The following CFI variants were observed in gnomAD, a reference collection of about 807,000 sequenced individuals.
The protein encoded by CFI is complement factor I.
In CFI, 66 loss-of-function variants were observed where a neutral mutation model predicts 78.8. The observed-to-expected ratio is 0.84, with a 90% CI of 0.69 to 1.03. The LOEUF is 1.03. Ranked by LOEUF, CFI falls within the 50% of genes least tolerant of loss-of-function variation. The pLI, the probability that CFI is intolerant of heterozygous loss-of-function variation, is 0.00. For missense variants in CFI, 706 were observed against 704.5 expected, an observed-to-expected ratio of 1.00 and a Z score of -0.02; for synonymous variants, 250 against 232.6, an observed-to-expected ratio of 1.07 and a Z score of -0.68.
At chr4:109,748,947 C>T (rs1724801365) in intron 10 of CFI, among the ~76,000 whole-genome samples, 1 of 152,192 alleles carries the variant, frequency 6.6e-6, no homozygotes, top group Non-Finnish European at 1.5e-5. Context: ...CACTCTCCCA[C>T]TTTGCAAATA....
intron 1 of CFI, among the ~76,000 whole-genome samples, chr4:109,776,820 A>T (rs947342579): frequency 2.6e-5 from 4 of 152,396 alleles, no homozygotes; most frequent in Non-Finnish European, 4.4e-5. Context: ...CCAATATTCA[A>T]CATTCTTAAA....
chr4:109,761,782 G>A, intron 3 of CFI, 90 bp from the exon 4 acceptor site: 3 of 1,064,986 alleles, frequency 2.8e-6, no homozygotes, highest in South Asian at 1.3e-5. Context: ...CTAGAGTAAT[G>A]TCCTCTCATT....
At chr4:109,763,188 G>A (rs1358958622) in intron 3 of CFI, among the ~76,000 whole-genome samples, 1 of 152,092 alleles carries the variant, frequency 6.6e-6, no homozygotes, top group Non-Finnish European at 1.5e-5. Flanking sequence ...TCATCATAGT[G>A]ATTAACTTCT....
intron 1 of CFI, among the ~76,000 whole-genome samples, chr4:109,768,060 C>T (rs1728009666): frequency 7.1e-6 from 1 of 141,126 alleles, no homozygotes; most frequent in South Asian, 2.2e-4. Flanking sequence ...CATCGTCTCA[C>T]TCATAGGTGG....
intron 1 of CFI, among the ~76,000 whole-genome samples, chr4:109,781,421 AT>A (rs1012951282): frequency 1.3e-5 from 2 of 152,180 alleles, no homozygotes; most frequent in Non-Finnish European, 2.9e-5. Flanking sequence ...AGATGGATAA[AT>A]TCCTGGAAAA....
the CFI span, among the ~76,000 whole-genome samples, chr4:109,731,147 C>T: frequency 3.9e-5 from 6 of 152,116 alleles, no homozygotes; most frequent in Non-Finnish European, 8.8e-5. Flanking sequence ...AAGTTCGAGA[C>T]CAGCCTGGCT....
At chr4:109,801,734 T>C (rs180691619) in intron 1 of CFI, among the ~76,000 whole-genome samples, 181 bp downstream of exon 1, 1 of 152,214 alleles carries the variant, frequency 6.6e-6, no homozygotes, top group African/African-American at 2.4e-5. Flanking sequence ...GAACTATTTT[T>C]AAAAAATCAC....
At position 109,749,651 on chromosome 4, in the gene CFI, G is replaced by C. The variant is rs7441380; in HGVS notation, c.941-49C>G. ...TCATTATTATCTTGAACCCATTAGCGTTTTTAACACACTTCTTGATTATCT... is the reference window on the plus strand; with the variant it reads ...TCATTATTATCTTGAACCCATTAGCCTTTTTAACACACTTCTTGATTATCT... On this transcript the variant is annotated intron_variant, in intron 8 of 12. Coordinates refer to ENST00000394634, the MANE Select transcript of CFI (RefSeq NM_000204.5). 1,195,273 of 1,202,842 alleles carry C rather than the reference G, an allele frequency of 0.99. 594,189 individuals carry two copies. The highest frequency in any genetic ancestry group is 1 in the East Asian group (42,942 of 42,942). The allele number at this position is 1,202,842 out of a possible 1,614,324, so 74.5% of individuals were successfully genotyped here.
intron 1 of CFI, among the ~76,000 whole-genome samples, chr4:109,778,057 A>C (rs1378275238): frequency 6.6e-6 from 1 of 152,338 alleles, no homozygotes; most frequent in East Asian, 1.9e-4. Flanking sequence ...ACACCCTAAA[A>C]TCACAATTAA....
chr4:109,761,562 C>G lies in CFI; in HGVS notation c.613G>C (p.Gly205Arg). 1 of 1,614,100 alleles carries G rather than the reference C, an allele frequency of 6.2e-7. No individual in the cohort carries two copies. Among genetic ancestry groups the G allele is most frequent in the Non-Finnish European group, 8.5e-7 (1 of 1,180,004 alleles). Residue 205 changes from glycine to arginine, a missense_variant, in exon 4 of 13, where the codon GGT (glycine) becomes CGT (arginine). Physicochemically the swap from Gly to Arg is moderately radical, Grantham distance 125. Transcript: ENST00000394634. The stretch of plus-strand genomic sequence containing the variant: ...ACCACATCAGCGAAATCCTGGTAAC[C>G]CATAGTTCTTCTCTTAGTAAAAGTA... ...ECTFTKRRTM[G>R]YQDFADVVCY...
chr4:109,738,297 A>C (rs1205145392), downstream of CFI, among the ~76,000 whole-genome samples: 3 of 151,792 alleles, frequency 2.0e-5, no homozygotes, highest in Non-Finnish European at 4.4e-5. Context: ...TGTGTGATAG[A>C]GATGGGGTCT....
intron 12 of CFI, 111 bp from the exon 13 acceptor site, chr4:109,741,221 G>C: frequency 6.4e-7 from 1 of 1,569,032 alleles, no homozygotes; most frequent in South Asian, 1.2e-5. Flanking sequence ...TTTCCTGACA[G>C]CAATAGCATG....
chr4:109,748,351 G>T (rs1363883013), intron 10 of CFI, among the ~76,000 whole-genome samples: 1 of 152,202 alleles, frequency 6.6e-6, no homozygotes, highest in Non-Finnish European at 1.5e-5. Flanking sequence ...ATCAGAAACA[G>T]TTCCTGCTTT....
chr4:109,752,903 T>A (rs993305704), intron 7 of CFI, among the ~76,000 whole-genome samples: 8 of 128,924 alleles, frequency 6.2e-5, no homozygotes, highest in African/African-American at 2.3e-4. Flanking sequence ...ATTTATTATA[T>A]AAATAAATAT....
chr4:109,743,550 C>T (rs1029004273), intron 11 of CFI, among the ~76,000 whole-genome samples: 4 of 152,190 alleles, frequency 2.6e-5, no homozygotes, highest in African/African-American at 9.7e-5. Flanking sequence ...TATTTTCCAT[C>T]AGTGAAATCC....
intron 1 of CFI, among the ~76,000 whole-genome samples, chr4:109,770,171 G>A (rs1190521367): frequency 1.3e-5 from 2 of 152,166 alleles, no homozygotes; most frequent in East Asian, 1.9e-4. Flanking sequence ...CTTATGCTAA[G>A]TGGCATGTAA....
intron 1 of CFI, among the ~76,000 whole-genome samples, chr4:109,792,069 T>C (rs149974704): frequency 1.1e-3 from 172 of 152,290 alleles, no homozygotes; most frequent in Non-Finnish European, 1.7e-3. Context: ...TTATTAAGAC[T>C]CATTTTGTGA....
intron 1 of CFI, among the ~76,000 whole-genome samples, chr4:109,767,832 C>T (rs1280597361): frequency 2.0e-5 from 3 of 152,000 alleles, no homozygotes; most frequent in Non-Finnish European, 4.4e-5. Flanking sequence ...CACATGCACA[C>T]GTATGTTTAT....
intron 10 of CFI, 110 bp from the exon 11 acceptor site, chr4:109,746,612 A>T (rs1216044770): frequency 3.3e-6 from 3 of 916,406 alleles, no homozygotes; most frequent in Non-Finnish European, 4.8e-6. Context: ...TCATTTCCCC[A>T]GAATTTTGTA....
Sources: gnomAD v4.1 joint callset for allele counts (sites outside exome capture counted in the v4.1 genomes callset) on GRCh38, gnomAD v4.1.1 for gene constraint, MANE v1.5 for transcripts, NCBI Gene and HGNC (gene_info 2026-07-23, HGNC 2026-07-21) for gene names.